Variants in DNAH8 observed in about 807,000 individuals in gnomAD.
The protein encoded by DNAH8 is axonemal beta dynein heavy chain 8.
Under a neutral mutation model 562.1 loss-of-function variants are expected in DNAH8, and 382 were observed. The observed-to-expected ratio is 0.68, with a 90% CI of 0.63 to 0.74. The LOEUF is 0.74. DNAH8 is among the 30% of genes least tolerant of loss of function. The pLI is 0.00. For synonymous variants in DNAH8, 1,881 were observed against 1,919.4 expected, an observed-to-expected ratio of 0.98 and a Z score of 0.52; for missense variants, 5,203 against 5,620.4, an observed-to-expected ratio of 0.93 and a Z score of 2.37.
intron 56 of DNAH8, among the ~76,000 whole-genome samples, chr6:38,884,470 T>C (rs946748066): frequency 6.6e-6 from 1 of 152,168 alleles, no homozygotes; most frequent in Non-Finnish European, 1.5e-5. Flanking sequence ...ATTTTTGTAT[T>C]TTTAGTAGAG....
rs779150226 is a variant in DNAH8 at position 38,791,614 on chromosome 6, G to A, written c.2841G>A (p.Val947=). 5 of 1,613,922 alleles carry A rather than the reference G, an allele frequency of 3.1e-6. No homozygotes were observed. The South Asian group carries it at 5.5e-5, about 18-fold the overall frequency. The part of the protein sequence containing the change: ...DTVLKEIAKT[V]LISLPESGAT... ...TTCTGAAGGAGATAGCCAAAACTGT[G>A]TTGATTTCTCTGCCTGAAAGTGGTG... The change falls in exon 21 of 93, where the codon GTG becomes GTA. Residue 947 remains valine, a synonymous_variant. Transcript: ENST00000327475.
At chr6:38,762,880 C>T (rs1350999012) in intron 11 of DNAH8, 4 of 259,976 alleles carry the variant, frequency 1.5e-5, no homozygotes, top group Non-Finnish European at 2.9e-5. Flanking sequence ...ATCACCCTTG[C>T]TCTGACCTCT....
In DNAH8 at chr6:38,743,005, TGC is replaced by T. The variant is rs1342936836; in HGVS notation, c.1293+1119_1293+1120del. Among the ~76,000 whole-genome samples, 48 of 130,006 alleles carry T rather than the reference TGC, an allele frequency of 3.7e-4. 1 individual carries two copies. The highest frequency in any genetic ancestry group is 8.5e-4 in the Admixed American group (10 of 11,704). The allele number at this position is 130,006 out of a possible 152,430, so 85.3% of individuals were successfully genotyped here. ...GTTTTCCAAAAAAATGTTGTTGTTGTGCTTTTTTTTTTTTTTTTTTTTTTTTT... is the reference window on the plus strand; with the variant it reads ...GTTTTCCAAAAAAATGTTGTTGTTGTTTTTTTTTTTTTTTTTTTTTTTTTT... On this transcript the variant is annotated intron_variant, in intron 8 of 92. Coordinates refer to ENST00000327475, the MANE Select transcript of DNAH8 (RefSeq NM_001206927.2).
At chr6:38,727,943 C>T (rs752091175) in intron 3 of DNAH8, among the ~76,000 whole-genome samples, 10 of 152,000 alleles carry the variant, frequency 6.6e-5, no homozygotes, top group African/African-American at 2.4e-4. Flanking sequence ...CTGTGCTGTG[C>T]GTGTGTGTTT....
At chr6:39,026,420 T>C in intron 91 of DNAH8, 126 bp from the exon 92 acceptor site, 1 of 1,000,324 alleles carries the variant, frequency 1.0e-6, no homozygotes, top group Non-Finnish European at 1.5e-6. Context: ...GGGTTTGGCC[T>C]CAACTCCTTT....
rs774512496 is a variant in DNAH8, at chr6:38,822,887, G to C, written c.3573G>C (p.Pro1191=). 1 of 1,604,970 alleles carries C rather than the reference G, an allele frequency of 6.2e-7. No individual in the cohort carries two copies. Among genetic ancestry groups the C allele is most frequent in the Middle Eastern group, 1.7e-4 (1 of 5,990 alleles). Residue 1191 remains proline, a synonymous_variant, in exon 27 of 93, where the codon CCG becomes CCC. Transcript: ENST00000327475. ...CGAGGAAGCTGAAGAATTTTTACCCGGGGGTAGCGGAGCACAAGGATATTT... is the reference window on the plus strand; with the variant it reads ...CGAGGAAGCTGAAGAATTTTTACCCCGGGGTAGCGGAGCACAAGGATATTT... The part of the protein sequence containing the change: ...IPARKLKNFY[P]GVAEHKDISK...
At chr6:38,811,718 C>G (rs1364508757) in intron 24 of DNAH8, among the ~76,000 whole-genome samples, 4 of 152,158 alleles carry the variant, frequency 2.6e-5, no homozygotes, top group Admixed American at 2.0e-4. Context: ...CTTTCTTACC[C>G]TTAGACATAT....
intron 67 of DNAH8, 55 bp downstream of exon 67, chr6:38,914,007 C>A (rs951173101): frequency 3.0e-6 from 4 of 1,348,026 alleles, no homozygotes; most frequent in East Asian, 4.8e-5. Context: ...TATTAAAATG[C>A]ATTGTTTTAA....
At chr6:38,853,803 C>T (rs909142654) in intron 41 of DNAH8, among the ~76,000 whole-genome samples, 6 of 152,122 alleles carry the variant, frequency 3.9e-5, no homozygotes, top group African/African-American at 1.4e-4. Context: ...CATTAGCCTA[C>T]AGTTAGGCAA....
intron 57 of DNAH8, among the ~76,000 whole-genome samples, chr6:38,889,660 G>C (rs1779201795): frequency 6.6e-6 from 1 of 152,134 alleles, no homozygotes; most frequent in Non-Finnish European, 1.5e-5. Flanking sequence ...GATGGGTGTT[G>C]CTAATCCCTA....
chr6:38,914,326 A>G (rs77577518), intron 67 of DNAH8, among the ~76,000 whole-genome samples: 1 of 151,484 alleles, frequency 6.6e-6, no homozygotes, highest in African/African-American at 2.4e-5. Flanking sequence ...TTTTTTTAAA[A>G]GAAAGAAAGA....
At position 38,750,481 on chromosome 6, in the gene DNAH8, G is replaced by T. The variant is rs2127595028; in HGVS notation, c.1299G>T (p.Trp433Cys). Reference sequence around the variant, plus strand: ...CTTATACCTTTTTTTCTTAGAATTGGCGTGATTTGGATGCAAGAATCACTG... The same window carrying T: ...CTTATACCTTTTTTTCTTAGAATTGTCGTGATTTGGATGCAAGAATCACTG... ...NVAHSKLLKN[W>C]RDLDARITDT... The change falls in exon 9 of 93, where the codon TGG becomes TGT. Residue 433 changes from tryptophan (W) to cysteine (C), a missense_variant. Physicochemically the swap from Trp to Cys is radical, Grantham distance 215 (BLOSUM62 -2). Around this residue, in one of 6 missense-constraint regions of DNAH8, gnomAD observed 2,176 missense variants for 2,365.1 expected, o/e 0.92. Transcript: ENST00000327475. 6.2e-7 allele frequency: 1 copy of T among 1,603,552 alleles called. No individual in the cohort carries two copies. The highest frequency in any genetic ancestry group is 2.2e-5 in the East Asian group (1 of 44,602).
intron 56 of DNAH8, among the ~76,000 whole-genome samples, chr6:38,885,699 C>T (rs1778864330): frequency 6.6e-6 from 1 of 152,194 alleles, no homozygotes; most frequent in Non-Finnish European, 1.5e-5. Context: ...GTTTCCTCTG[C>T]CTAGAGTGCT....
intron 3 of DNAH8, among the ~76,000 whole-genome samples, chr6:38,726,093 G>C (rs1763193121): frequency 6.6e-6 from 1 of 152,200 alleles, no homozygotes; most frequent in Non-Finnish European, 1.5e-5. Context: ...GTAGGCCCAG[G>C]CTTTAGGCCT....
intron 7 of DNAH8, among the ~76,000 whole-genome samples, chr6:38,740,646 A>C (rs1764450723): frequency 6.6e-6 from 1 of 151,654 alleles, no homozygotes; most frequent in Non-Finnish European, 1.5e-5. Flanking sequence ...ACAGGGTCTC[A>C]TTCTGTCACC....
chr6:38,856,396 T>C (rs1165448670), intron 41 of DNAH8, among the ~76,000 whole-genome samples: 1 of 152,236 alleles, frequency 6.6e-6, no homozygotes, highest in African/African-American at 2.4e-5. Flanking sequence ...AAGATAATGA[T>C]TGTAAAGACT....
chr6:38,818,993 C>T (rs944979670), intron 26 of DNAH8, among the ~76,000 whole-genome samples: 8 of 152,138 alleles, frequency 5.3e-5, no homozygotes, highest in Non-Finnish European at 1.2e-4. Context: ...ATTTATTACT[C>T]GGCTCACAAA....
chr6:38,724,718 A>T (rs529953460), intron 3 of DNAH8, among the ~76,000 whole-genome samples: 5 of 152,148 alleles, frequency 3.3e-5, no homozygotes, highest in Non-Finnish European at 7.4e-5. Context: ...CCCTCGCGAT[A>T]GCTCTGGTTC....
At chr6:38,833,594 C>T (rs1301392898) in intron 31 of DNAH8, among the ~76,000 whole-genome samples, 5 of 152,040 alleles carry the variant, frequency 3.3e-5, no homozygotes, top group Admixed American at 6.6e-5. Context: ...AATCAGAAGC[C>T]GCAAACAAGC....
Sources: gnomAD v4.1 joint callset for allele counts (sites outside exome capture counted in the v4.1 genomes callset) on GRCh38, gnomAD v4.1.1 for gene constraint, gnomAD v4.1.1 regional missense constraint, MANE v1.5 for transcripts, NCBI Gene and HGNC (gene_info 2026-07-23, HGNC 2026-07-21) for gene names.